PDSS1: variants seen among roughly 807,000 people sequenced by gnomAD.
PDSS1 encodes the protein decaprenyl diphosphate synthase subunit 1.
A neutral mutation model predicts 57.5 loss-of-function variants in PDSS1; 43 were observed. The ratio of observed to expected loss-of-function variants is 0.75; its 90% CI spans 0.59 to 0.96. PDSS1 has a LOEUF of 0.96. Ranked by LOEUF, PDSS1 falls within the 50% of genes least tolerant of loss-of-function variation. PDSS1 has a pLI of 0.00. For missense variants in PDSS1, 438 were observed against 527.8 expected (o/e 0.83, Z 1.67); for synonymous variants, 175 against 191.3 (o/e 0.91, Z 0.70).
chr10:26,700,424 T>C (rs1391121406), intron 1 of PDSS1, among the ~76,000 whole-genome samples: 1 of 152,094 alleles, frequency 6.6e-6, no homozygotes, highest in Admixed American at 6.5e-5. Flanking sequence ...GGCCACTTAG[T>C]GAGACCTCCT....
intron 6 of PDSS1, among the ~76,000 whole-genome samples, chr10:26,722,156 A>T (rs915789684): frequency 2.6e-5 from 4 of 152,148 alleles, no homozygotes; most frequent in African/African-American, 9.7e-5. Flanking sequence ...CCGAGCCTTG[A>T]GCTGCTAATG....
intron 8 of PDSS1, 127 bp from the exon 9 acceptor site, chr10:26,735,113 C>G: frequency 1.3e-6 from 1 of 757,514 alleles, no homozygotes; most frequent in Admixed American, 1.8e-5. Flanking sequence ...CCTCTGATGT[C>G]AGCATCTCCT....
At chr10:26,729,257 A>G (rs566315609) in intron 8 of PDSS1, among the ~76,000 whole-genome samples, 108 of 152,256 alleles carry the variant, frequency 7.1e-4, no homozygotes, top group Non-Finnish European at 1.2e-3. Context: ...AGGAGCCCAC[A>G]TTCCTTTTGG....
At chr10:26,738,040 A>G (rs183323415) in intron 10 of PDSS1, among the ~76,000 whole-genome samples, 1 of 152,224 alleles carries the variant, frequency 6.6e-6, no homozygotes, top group Non-Finnish European at 1.5e-5. Context: ...TTAGCCAAGT[A>G]TGTATTTATA....
intron 11 of PDSS1, among the ~76,000 whole-genome samples, chr10:26,743,446 A>G (rs1836697931): frequency 6.6e-6 from 1 of 152,210 alleles, no homozygotes; most frequent in African/African-American, 2.4e-5. Flanking sequence ...CAACCCCTAA[A>G]AGGTTATTTT....
chr10:26,741,490 G>A (rs1268842094), intron 10 of PDSS1, among the ~76,000 whole-genome samples: 2 of 150,324 alleles, frequency 1.3e-5, no homozygotes, highest in South Asian at 4.2e-4. Flanking sequence ...CATCACAGGA[G>A]GGGGGGAAAA....
At chr10:26,726,955 G>T (rs1180062602) in intron 8 of PDSS1, among the ~76,000 whole-genome samples, 1 of 151,960 alleles carries the variant, frequency 6.6e-6, no homozygotes, top group African/African-American at 2.4e-5. Flanking sequence ...CCAGCTACTT[G>T]GGAAGCTGAG....
intron 8 of PDSS1, among the ~76,000 whole-genome samples, chr10:26,729,107 ACT>A (rs1345862889): frequency 6.6e-6 from 1 of 151,922 alleles, no homozygotes; most frequent in Non-Finnish European, 1.5e-5. Flanking sequence ...AGATTATAAC[ACT>A]GTCATTATTT....
At chr10:26,704,572 A>G in intron 2 of PDSS1, 105 bp from the exon 3 acceptor site, 1 of 708,096 alleles carries the variant, frequency 1.4e-6, no homozygotes, top group Admixed American at 2.1e-5. Flanking sequence ...CTACCTGTAA[A>G]TGGGTGATTA....
chr10:26,697,951 GCGGGGTAGCTC>G (rs531513845), intron 1 of PDSS1, 111 bp downstream of exon 1: 269 of 1,018,892 alleles, frequency 2.6e-4, no homozygotes, highest in African/African-American at 1.8e-3. Context: ...GCGGGGGCGC[GCGGGGTAGCTC>G]CGGGGTAGCT....
At chr10:26,740,996 A>G (rs143354076) in intron 10 of PDSS1, among the ~76,000 whole-genome samples, 10 of 151,480 alleles carry the variant, frequency 6.6e-5, no homozygotes, top group Admixed American at 6.6e-4. Context: ...ATCTTAATTC[A>G]GGTCTTTTTT....
chr10:26,728,077 C>T lies in PDSS1; in HGVS notation c.831+3954C>T, dbSNP rs1253669202. Among the ~76,000 whole-genome samples the T allele has an allele frequency of 7.2e-5, 11 of 152,226 alleles. 1 individual carries two copies. The highest frequency in any genetic ancestry group is 1.9e-4 in the East Asian group (1 of 5,172). On this transcript the variant is annotated intron_variant, in intron 8 of 11. Coordinates refer to ENST00000376215, the MANE Select transcript of PDSS1 (RefSeq NM_014317.5). ...TCGCTTGATTAGGATACTGTCGGGC[C>T]GGGCACAGTGGCTCACGCCTGTAAT...
intron 8 of PDSS1, among the ~76,000 whole-genome samples, chr10:26,726,517 A>C (rs1835952025): frequency 6.6e-6 from 1 of 152,234 alleles, no homozygotes; most frequent in South Asian, 2.1e-4. Context: ...GCGAGCTCCA[A>C]ATAAATGCAT....
intron 2 of PDSS1, among the ~76,000 whole-genome samples, chr10:26,703,750 A>C (rs370430490): frequency 2.0e-5 from 3 of 152,144 alleles, no homozygotes; most frequent in East Asian, 1.9e-4. Flanking sequence ...CAGGCCAACT[A>C]CTTTGACTGG....
At chr10:26,734,862 G>C in intron 8 of PDSS1, 1 of 427,082 alleles carries the variant, frequency 2.3e-6, no homozygotes, top group Non-Finnish European at 4.6e-6. Flanking sequence ...AGCTTGCCGA[G>C]TGCTAGAAGT....
rs1416113981 is a variant in PDSS1, at chr10:26,724,129, T to A, written c.831+6T>A. 8.2e-6 allele frequency: 13 copies of A among 1,575,968 alleles called. No homozygotes were observed. The highest frequency in any genetic ancestry group is 1.1e-5 in the Non-Finnish European group (13 of 1,145,148). ...TAGCCAACAGTTGTAAAGCAGTATG[T>A]ACGTTCTGTCTTTCTTCAAGTTAAA... On this transcript the variant is annotated splice_donor_region_variant and intron_variant, in intron 8 of 11. Coordinates refer to ENST00000376215, the MANE Select transcript of PDSS1 (RefSeq NM_014317.5).
At chr10:26,705,177 A>G (rs910293936) in intron 3 of PDSS1, 109 bp from the exon 4 acceptor site, 11 of 705,712 alleles carry the variant, frequency 1.6e-5, no homozygotes, top group Non-Finnish European at 2.9e-5. Context: ...ATTCATGATT[A>G]ATTTCTAGCA....
chr10:26,714,325 T>C (rs531213313), intron 5 of PDSS1, among the ~76,000 whole-genome samples: 350 of 151,958 alleles, frequency 2.3e-3, no homozygotes, highest in African/African-American at 7.9e-3. Context: ...AATATAAAAA[T>C]TAGCCAGTCG....
intron 8 of PDSS1, among the ~76,000 whole-genome samples, chr10:26,729,383 C>T (rs150167183): frequency 1.3e-5 from 2 of 152,286 alleles, no homozygotes; most frequent in African/African-American, 4.8e-5. Flanking sequence ...TAGGTAGATA[C>T]GTGTATATCT....
Sources: gnomAD v4.1 joint callset for allele counts (sites outside exome capture counted in the v4.1 genomes callset) on GRCh38, gnomAD v4.1.1 for gene constraint, MANE v1.5 for transcripts, NCBI Gene and HGNC (gene_info 2026-07-23, HGNC 2026-07-21) for gene names.